The following GKAP1 variants were observed in gnomAD, a reference collection of about 807,000 sequenced individuals.
GKAP1 encodes the protein G kinase-anchoring protein 1.
GKAP1 carries 31 observed loss-of-function variants against 56.7 expected under a neutral mutation model. The ratio of observed to expected loss-of-function variants is 0.55; its 90% confidence interval spans 0.41 to 0.74. The LOEUF is 0.74. GKAP1 is among the 30% of genes least tolerant of loss of function. GKAP1 has a pLI of 0.00. For synonymous variants in GKAP1, 151 were observed against 138.6 expected (o/e 1.09, Z -0.63); for missense variants, 364 against 402.3 (o/e 0.90, Z 0.82).
At chr9:83,773,956 T>C (rs1221992058) in intron 7 of GKAP1, among the ~76,000 whole-genome samples, 1 of 152,150 alleles carries the variant, frequency 6.6e-6, no homozygotes, top group Non-Finnish European at 1.5e-5. Context: ...TTTGTTAACA[T>C]CACCTTATTC....
chr9:83,761,322 T>G (rs906056651), intron 8 of GKAP1, among the ~76,000 whole-genome samples: 1 of 152,046 alleles, frequency 6.6e-6, no homozygotes, highest in Non-Finnish European at 1.5e-5. Context: ...TTGGAAAATC[T>G]AGAGAAAATG....
In GKAP1 at chr9:83,790,529, T is replaced by C. The variant is rs145017025; in HGVS notation, c.361-1851A>G. Among the ~76,000 whole-genome samples, 638 of 152,220 alleles carry C rather than the reference T, an allele frequency of 4.2e-3. 7 individuals are homozygous for C. The highest frequency in any genetic ancestry group is 0.015 in the African/African-American group (603 of 41,532). ...CCGGCACAGTGGCTCACGCCTATAATCCCAGCACTTTAGGAGGACGAGGTG... is the reference window on the plus strand; with the variant it reads ...CCGGCACAGTGGCTCACGCCTATAACCCCAGCACTTTAGGAGGACGAGGTG... On this transcript the variant is annotated intron_variant, in intron 4 of 12. Coordinates refer to ENST00000376371, the MANE Select transcript of GKAP1 (RefSeq NM_025211.4).
In GKAP1 at chr9:83,775,865, ACT is replaced by A. The variant is rs560358979; in HGVS notation, c.585+4515_585+4516del. Reference sequence around the variant, plus strand: ...ACTCCAGCCAGGAGGACACAGAGAGACTCTGTCTCAAAAAAAAAAAAAAAAAA... The same window carrying A: ...ACTCCAGCCAGGAGGACACAGAGAGACTGTCTCAAAAAAAAAAAAAAAAAA... On this transcript the variant is annotated intron_variant, in intron 7 of 12. Coordinates refer to ENST00000376371, the MANE Select transcript of GKAP1 (RefSeq NM_025211.4). Among the ~76,000 whole-genome samples the A allele has an allele frequency of 5.3e-3, 679 of 127,978 alleles. 13 individuals are homozygous for A. The highest frequency in any genetic ancestry group is 0.033 in the East Asian group (147 of 4,458). 84.0% of individuals were successfully genotyped at this position (127,978 alleles called of 152,430 possible).
chr9:83,765,044 C>T (rs1231691394), intron 8 of GKAP1, among the ~76,000 whole-genome samples: 1 of 152,164 alleles, frequency 6.6e-6, no homozygotes, highest in Non-Finnish European at 1.5e-5. Flanking sequence ...ACAGAAGCCC[C>T]TCCCATCATA....
intron 3 of GKAP1, among the ~76,000 whole-genome samples, chr9:83,799,554 TAA>T (rs985631706): frequency 2.0e-4 from 30 of 152,344 alleles, no homozygotes; most frequent in African/African-American, 7.2e-4. Context: ...ATAAAATGAT[TAA>T]GTGAAAAATG....
At chr9:83,774,129 C>T (rs1021564075) in intron 7 of GKAP1, among the ~76,000 whole-genome samples, 10 of 151,968 alleles carry the variant, frequency 6.6e-5, no homozygotes, top group African/African-American at 2.4e-4. Flanking sequence ...CCTCGGCCTC[C>T]CAAAGTGCTG....
intron 11 of GKAP1, 62 bp from the exon 12 acceptor site, chr9:83,742,091 T>A: frequency 1.1e-6 from 1 of 950,728 alleles, no homozygotes; most frequent in Non-Finnish European, 1.6e-6. Context: ...ACTCAATTCT[T>A]AACATATTCA....
chr9:83,799,808 C>A (rs1205024106), intron 3 of GKAP1, among the ~76,000 whole-genome samples: 1 of 151,670 alleles, frequency 6.6e-6, no homozygotes, highest in Non-Finnish European at 1.5e-5. Context: ...ACAACAACAA[C>A]AAAAAAACTA....
intron 4 of GKAP1, among the ~76,000 whole-genome samples, chr9:83,791,298 G>C (rs1292803939): frequency 6.6e-6 from 1 of 152,030 alleles, no homozygotes; most frequent in African/African-American, 2.4e-5. Context: ...AGCTACTCGG[G>C]AGGCTGAGGC....
At chr9:83,741,820 G>A (rs1455404830) in intron 12 of GKAP1, 132 bp downstream of exon 12, 14 of 605,718 alleles carry the variant, frequency 2.3e-5, no homozygotes, top group South Asian at 8.1e-5. Context: ...TTATATGACC[G>A]ATAATAAAAT....
chr9:83,804,430 C>A (rs1250598607), intron 3 of GKAP1, among the ~76,000 whole-genome samples: 1 of 133,460 alleles, frequency 7.5e-6, no homozygotes. Context: ...CCAGCCACCC[C>A]GTCCGGGAGG....
At chr9:83,752,370 T>G (rs1033310803) in intron 9 of GKAP1, among the ~76,000 whole-genome samples, 1 of 152,104 alleles carries the variant, frequency 6.6e-6, no homozygotes, top group Non-Finnish European at 1.5e-5. Flanking sequence ...GAGCCAAGAC[T>G]GTGCCACTGC....
intron 2 of GKAP1, among the ~76,000 whole-genome samples, chr9:83,809,850 C>T (rs997768722): frequency 1.3e-5 from 2 of 152,202 alleles, no homozygotes; most frequent in Admixed American, 1.3e-4. Context: ...CTCTGTCGCC[C>T]AGGCTGGATT....
intron 4 of GKAP1, among the ~76,000 whole-genome samples, chr9:83,790,726 T>C (rs770075632): frequency 2.6e-5 from 4 of 151,958 alleles, no homozygotes; most frequent in Non-Finnish European, 5.9e-5. Flanking sequence ...GGCAGGAGTA[T>C]CGCTTAAACC....
chr9:83,798,599 C>T (rs1159549093), intron 4 of GKAP1, among the ~76,000 whole-genome samples: 1 of 152,180 alleles, frequency 6.6e-6, no homozygotes, highest in Non-Finnish European at 1.5e-5. Flanking sequence ...TCACTGCAGC[C>T]TCGACCTCCT....
intron 8 of GKAP1, among the ~76,000 whole-genome samples, chr9:83,758,744 CAA>C (rs774728066): frequency 5.8e-5 from 7 of 121,338 alleles, no homozygotes; most frequent in Non-Finnish European, 3.6e-5. Context: ...ACTCCATCTC[CAA>C]AAAAAAAAAA....
intron 9 of GKAP1, among the ~76,000 whole-genome samples, chr9:83,749,660 T>C (rs974918285): frequency 2.0e-5 from 3 of 152,158 alleles, no homozygotes; most frequent in Non-Finnish European, 2.9e-5. Flanking sequence ...AACATATACA[T>C]AGATATGTAT....
intron 8 of GKAP1, among the ~76,000 whole-genome samples, chr9:83,756,234 T>C (rs1473882886): frequency 6.6e-6 from 1 of 151,620 alleles, no homozygotes; most frequent in Non-Finnish European, 1.5e-5. Context: ...CTCAGCACTT[T>C]GGGAGGCCGA....
chr9:83,785,079 T>A (rs1944042307), intron 5 of GKAP1, among the ~76,000 whole-genome samples: 1 of 152,158 alleles, frequency 6.6e-6, no homozygotes, highest in Non-Finnish European at 1.5e-5. Flanking sequence ...CCCCTCCTCA[T>A]TGCTACCTTC....
Sources: gnomAD v4.1 joint callset for allele counts (sites outside exome capture counted in the v4.1 genomes callset) on GRCh38, gnomAD v4.1.1 for gene constraint, MANE v1.5 for transcripts, NCBI Gene and HGNC (gene_info 2026-07-23, HGNC 2026-07-21) for gene names.